The following PDS5A variants were observed in gnomAD, a reference collection of about 807,000 sequenced individuals.
PDS5A encodes the protein sister chromatid cohesion protein PDS5 homolog A.
A neutral mutation model predicts 167.1 loss-of-function variants in PDS5A; 42 were observed. That is an observed-to-expected ratio of 0.25 (90% CI 0.20 to 0.33). The LOEUF (loss-of-function observed/expected upper bound fraction) is 0.33, where lower values mean the gene tolerates loss of function less well. PDS5A is among the 10% of genes least tolerant of loss of function. PDS5A has a pLI of 1.00. For synonymous variants in PDS5A, 553 were observed against 554.6 expected (o/e 1.00, Z 0.04); for missense variants, 1,033 against 1,605.9 (o/e 0.64, Z 6.10).
chr4:39,943,851 C>G (rs1432254072), intron 2 of PDS5A, among the ~76,000 whole-genome samples: 1 of 151,330 alleles, frequency 6.6e-6, no homozygotes, highest in Non-Finnish European at 1.5e-5. Flanking sequence ...TTCTACCAGA[C>G]CTAAACCATT....
chr4:39,952,380 T>C (rs1728491939), intron 2 of PDS5A, among the ~76,000 whole-genome samples: 1 of 152,184 alleles, frequency 6.6e-6, no homozygotes, highest in South Asian at 2.1e-4. Context: ...TTTACATATG[T>C]AAGAAGGTGA....
At chr4:39,908,675 A>G (rs528665957) in intron 10 of PDS5A, 135 bp from the exon 11 acceptor site, 14 of 627,436 alleles carry the variant, frequency 2.2e-5, no homozygotes, top group Non-Finnish European at 3.9e-5. Flanking sequence ...ATGAAATTAA[A>G]TCATGTTATT....
intron 2 of PDS5A, among the ~76,000 whole-genome samples, chr4:39,969,580 CA>C (rs1232950144): frequency 6.6e-6 from 1 of 152,070 alleles, no homozygotes; most frequent in Non-Finnish European, 1.5e-5. Context: ...GCAGGATAAT[CA>C]CTTGAACCCA....
intron 2 of PDS5A, among the ~76,000 whole-genome samples, chr4:39,955,607 AC>A (rs1474491718): frequency 2.0e-5 from 3 of 151,976 alleles, no homozygotes; most frequent in Non-Finnish European, 4.4e-5. Context: ...TCATAAAAAA[AC>A]AACAACAAAA....
intron 2 of PDS5A, among the ~76,000 whole-genome samples, chr4:39,968,344 ATTCT>A (rs1220369769): frequency 5.2e-5 from 7 of 134,322 alleles, no homozygotes; most frequent in Non-Finnish European, 9.9e-5. Flanking sequence ...GCTATTTGTG[ATTCT>A]TTTTTTTTTT....
chr4:39,891,866 T>C (rs1359798403), intron 16 of PDS5A, among the ~76,000 whole-genome samples: 3 of 152,080 alleles, frequency 2.0e-5, no homozygotes, highest in African/African-American at 4.8e-5. Flanking sequence ...CAAAGCACTT[T>C]GGGAGGCCAA....
intron 2 of PDS5A, among the ~76,000 whole-genome samples, chr4:39,929,289 G>A (rs568642761): frequency 6.6e-6 from 1 of 151,950 alleles, no homozygotes; most frequent in South Asian, 2.1e-4. Flanking sequence ...CCACTGTTAA[G>A]CTGGTGGGCA....
At chr4:39,934,905 C>T (rs1726447855) in intron 2 of PDS5A, among the ~76,000 whole-genome samples, 1 of 151,966 alleles carries the variant, frequency 6.6e-6, no homozygotes, top group South Asian at 2.1e-4. Context: ...TTTCAGCTGT[C>T]ATATATTCTG....
At chr4:39,831,564 G>C (rs1715875020) in intron 32 of PDS5A, among the ~76,000 whole-genome samples, 1 of 151,866 alleles carries the variant, frequency 6.6e-6, no homozygotes, top group African/African-American at 2.4e-5. Flanking sequence ...CCATTTTTAA[G>C]TATAAAGTTT....
chr4:39,887,342 TG>T (rs756257575), intron 17 of PDS5A, among the ~76,000 whole-genome samples: 19 of 152,236 alleles, frequency 1.2e-4, no homozygotes, highest in Non-Finnish European at 2.5e-4. Flanking sequence ...TTTTATTGAA[TG>T]TTTTTTCAGA....
intron 16 of PDS5A, among the ~76,000 whole-genome samples, chr4:39,891,753 T>C (rs1001947427): frequency 1.3e-5 from 2 of 152,120 alleles, no homozygotes; most frequent in Admixed American, 6.5e-5. Context: ...TGTACACCCT[T>C]AGAATTTTAT....
At chr4:39,967,749 G>A (rs1482219508) in intron 2 of PDS5A, among the ~76,000 whole-genome samples, 1 of 151,892 alleles carries the variant, frequency 6.6e-6, no homozygotes, top group East Asian at 1.9e-4. Flanking sequence ...TATGAGGTCA[G>A]GAGTTCGAGA....
chr4:39,888,558 G>A (rs1560456708), intron 17 of PDS5A, among the ~76,000 whole-genome samples: 2 of 151,424 alleles, frequency 1.3e-5, no homozygotes, highest in Non-Finnish European at 2.9e-5. Context: ...GCACATCAAC[G>A]AAGAAAGAAA....
intron 2 of PDS5A, among the ~76,000 whole-genome samples, chr4:39,965,611 T>C (rs1729901343): frequency 1.3e-5 from 2 of 152,200 alleles, no homozygotes. Flanking sequence ...CGGATGAACC[T>C]TAAAGGTATA....
chr4:39,858,329 C>T (rs1718703038), intron 26 of PDS5A, among the ~76,000 whole-genome samples: 1 of 152,164 alleles, frequency 6.6e-6, no homozygotes, highest in African/African-American at 2.4e-5. Context: ...TATAAAGTTA[C>T]AGTAATGACA....
chr4:39,866,841 G>A lies in PDS5A; in HGVS notation c.2642+20C>T. ...CAAAATTTCAGCACTAAGAAAACTG[G>A]AAAGAAAGAAAAATCTCACCTGATC... On this transcript the variant is annotated intron_variant, in intron 23 of 32. Transcript: ENST00000303538. The A allele has an allele frequency of 6.3e-7, 1 of 1,589,784 alleles. No homozygotes were observed. Among genetic ancestry groups the A allele is most frequent in the Non-Finnish European group, 8.6e-7 (1 of 1,169,024 alleles).
At chr4:39,915,565 G>A (rs1328161262) in intron 8 of PDS5A, among the ~76,000 whole-genome samples, 1 of 151,938 alleles carries the variant, frequency 6.6e-6, no homozygotes, top group African/African-American at 2.4e-5. Context: ...TCACCATGTT[G>A]CCCAAGCTGG....
At chr4:39,927,550 A>C (rs924539456) in intron 3 of PDS5A, among the ~76,000 whole-genome samples, 2 of 150,950 alleles carry the variant, frequency 1.3e-5, no homozygotes, top group African/African-American at 2.4e-5. Flanking sequence ...AAGGCAGAAC[A>C]ACCAAGATGA....
chr4:39,955,926 C>T (rs1728882678), intron 2 of PDS5A, among the ~76,000 whole-genome samples: 1 of 151,906 alleles, frequency 6.6e-6, no homozygotes, highest in African/African-American at 2.4e-5. Context: ...ACCAGCCTGG[C>T]CAACATGGCG....
Sources: allele counts gnomAD v4.1 joint callset (sites outside exome capture counted in the v4.1 genomes callset), GRCh38; gene constraint gnomAD v4.1.1; transcripts MANE v1.5; gene names NCBI Gene and HGNC (gene_info 2026-07-23, HGNC 2026-07-21).